MYH11: variants seen among roughly 807,000 people sequenced by gnomAD.
The protein encoded by MYH11 is myosin-11.
Under a neutral mutation model 246.6 loss-of-function variants are expected in MYH11, and 80 were observed. That is an observed-to-expected ratio of 0.32 (90% CI 0.27 to 0.39). The LOEUF is 0.39. MYH11 is among the 10% of genes least tolerant of loss of function. The pLI is 1.00. For synonymous variants in MYH11, 1,071 were observed against 1,015.5 expected (o/e 1.05, Z -1.04); for missense variants, 2,158 against 2,546.8 (o/e 0.85, Z 3.29).
rs1379873477 is a variant in MYH11, at chr16:15,838,873, AAAG to A, written c.-17-607_-17-605del. Among the ~76,000 whole-genome samples the A allele has an allele frequency of 8.3e-4, 121 of 146,216 alleles. 5 individuals are homozygous for A. Among genetic ancestry groups the A allele is most frequent in the African/African-American group, 2.8e-3 (107 of 38,858 alleles). On this transcript the variant is annotated intron_variant, in intron 1 of 40. Coordinates refer to ENST00000300036, the MANE Select transcript of MYH11 (RefSeq NM_002474.3). ...CTCCATCTCAAAAAAAAAAAAAAAA[AAAG>A]AAGAAGAAGCCGGAAGTAAGTGTAC...
intron 4 of MYH11, 136 bp downstream of exon 4, chr16:15,798,524 G>A (rs951866947): frequency 1.1e-6 from 1 of 908,452 alleles, no homozygotes; most frequent in Non-Finnish European, 1.6e-6. Context: ...CAGGTATAAA[G>A]AGAGGCACTT....
chr16:15,849,269 T>C lies in MYH11; in HGVS notation c.-18+7672A>G, dbSNP rs1051557096. ...CTGGTCTCAAACTCCTGATCTCAAATGATCCTCCTGCCTTGGCTTCCCAAA... is the reference window on the plus strand; with the variant it reads ...CTGGTCTCAAACTCCTGATCTCAAACGATCCTCCTGCCTTGGCTTCCCAAA... On this transcript the variant is annotated intron_variant, in intron 1 of 40. Coordinates refer to ENST00000300036, the MANE Select transcript of MYH11 (RefSeq NM_002474.3). Among the ~76,000 whole-genome samples, 4 of 151,942 alleles carry C rather than the reference T, an allele frequency of 2.6e-5. No homozygotes were observed. The East Asian group carries it at 5.8e-4, about 22-fold the overall frequency.
chr16:15,709,962 G>T (rs1173360320), intron 40 of MYH11, among the ~76,000 whole-genome samples: 2 of 152,184 alleles, frequency 1.3e-5, no homozygotes, highest in Admixed American at 6.5e-5. Flanking sequence ...CTGGCTGATA[G>T]AACTTGGTGA....
chr16:15,835,747 T>C (rs567016841), intron 2 of MYH11, among the ~76,000 whole-genome samples: 62 of 38,346 alleles, frequency 1.6e-3, no homozygotes, highest in African/African-American at 0.015. Context: ...GCTGGTACTA[T>C]TTTTTTTTTT....
At chr16:15,735,713 T>A in intron 25 of MYH11, 135 bp from the exon 26 acceptor site, 2 of 842,578 alleles carry the variant, frequency 2.4e-6, no homozygotes, top group Non-Finnish European at 2.0e-6. Flanking sequence ...TGTCCCCAGG[T>A]CTGCTTCTTG....
At chr16:15,792,082 CAG>C (rs1324200456) in intron 4 of MYH11, 16 of 152,138 alleles carry the variant, frequency 1.1e-4, no homozygotes, top group Admixed American at 1.0e-3. Context: ...TTTTTTGAGA[CAG>C]AGTTTTGCTT....
chr16:15,850,827 A>G (rs532665378), intron 1 of MYH11, among the ~76,000 whole-genome samples: 6 of 152,226 alleles, frequency 3.9e-5, no homozygotes, highest in African/African-American at 1.2e-4. Flanking sequence ...CCTGGGAGGT[A>G]GAGGTTGCAG....
chr16:15,723,369 G>A (rs1428053497), intron 31 of MYH11, among the ~76,000 whole-genome samples: 2 of 152,240 alleles, frequency 1.3e-5, no homozygotes, highest in East Asian at 1.9e-4. Flanking sequence ...TATGTGGGCC[G>A]GGCATAGTGG....
At chr16:15,740,535 C>T (rs562772181) in intron 22 of MYH11, among the ~76,000 whole-genome samples, 40 of 151,468 alleles carry the variant, frequency 2.6e-4, no homozygotes, top group Admixed American at 1.4e-3. Context: ...CGCTTGAACC[C>T]GAGAGGCAGA....
intron 2 of MYH11, among the ~76,000 whole-genome samples, chr16:15,832,943 C>CTTTTTTTTTTTTTTTTTT (rs780380104): frequency 1.8e-5 from 1 of 55,340 alleles, no homozygotes; most frequent in Non-Finnish European, 3.2e-5. Flanking sequence ...GCAACCTCAT[C>CTTTTTTTTTTTTTTTTTT]TTTTTTTTTT....
intron 3 of MYH11, among the ~76,000 whole-genome samples, chr16:15,803,263 T>C (rs184995682): frequency 1.7e-4 from 25 of 148,388 alleles, no homozygotes; most frequent in African/African-American, 5.8e-4. Flanking sequence ...CAGAGCAAAA[T>C]GGGAAACCAG....
rs972078880 is a variant in MYH11 at position 15,725,193 on chromosome 16, A to T, written c.3859-201T>A. ...AAACAGAATCTGTGGCTTGAAGGGA[A>T]CTCCGTCACCTATGAGTTGGGACCC... On this transcript the variant is annotated intron_variant, in intron 28 of 40. Coordinates refer to ENST00000300036, the MANE Select transcript of MYH11 (RefSeq NM_002474.3). The T allele has an allele frequency of 5.5e-5, 34 of 621,278 alleles. No homozygotes were observed. In the East Asian group the frequency reaches 7.3e-4, roughly 13 times the overall value. 38.5% of individuals were successfully genotyped at this position (621,278 alleles called of 1,614,324 possible).
intron 25 of MYH11, among the ~76,000 whole-genome samples, chr16:15,737,112 G>C (rs2041140605): frequency 6.6e-6 from 1 of 152,140 alleles, no homozygotes; most frequent in South Asian, 2.1e-4. Context: ...TGTTTGAGAT[G>C]ACGGTGGAAA....
chr16:15,736,353 A>T (rs1272299563), intron 25 of MYH11, among the ~76,000 whole-genome samples: 1 of 152,028 alleles, frequency 6.6e-6, no homozygotes, highest in Non-Finnish European at 1.5e-5. Flanking sequence ...ATCATAGCTC[A>T]CTTTAGCCTC....
chr16:15,753,862 G>A (rs994383262), intron 14 of MYH11, among the ~76,000 whole-genome samples: 4 of 151,920 alleles, frequency 2.6e-5, no homozygotes, highest in African/African-American at 7.3e-5. Flanking sequence ...CCCTCCTGCC[G>A]ACATGCAAAA....
At chr16:15,849,218 A>G (rs762679261) in intron 1 of MYH11, among the ~76,000 whole-genome samples, 1 of 151,906 alleles carries the variant, frequency 6.6e-6, no homozygotes, top group African/African-American at 2.4e-5. Flanking sequence ...TTTTGTAGAG[A>G]TGGGGGTCTT....
At chr16:15,843,147 A>G (rs1376901910) in intron 1 of MYH11, among the ~76,000 whole-genome samples, 1 of 152,062 alleles carries the variant, frequency 6.6e-6, no homozygotes, top group Non-Finnish European at 1.5e-5. Context: ...AGGTGGGCGG[A>G]CCACCTGAGG....
intron 26 of MYH11, chr16:15,733,120 T>A (rs756403205): frequency 3.9e-6 from 1 of 254,976 alleles, no homozygotes; most frequent in Non-Finnish European, 7.7e-6. Context: ...TATTTCCATT[T>A]TACAAATGAG....
chr16:15,823,339 C>A lies in MYH11; in HGVS notation c.418G>T (p.Asp140Tyr). Reference protein sequence around the residue: ...HLPIYSEKIVDMYKGKKRHEM... With the variant: ...HLPIYSEKIVYMYKGKKRHEM... ...TGCCTCTTCTTGCCCTTGTACATGT[C>A]GACGATCTTCTCCGAGTAGATGGGC... Residue 140 changes from aspartate to tyrosine, a missense_variant, in exon 3 of 41, where the codon GAC becomes TAC. Around this residue, in one of 11 missense-constraint regions of MYH11, gnomAD observed 34 missense variants for 25.6 expected, o/e 1.33. Transcript: ENST00000300036. 6.2e-7 allele frequency: 1 copy of A among 1,614,150 alleles called. No individual in the cohort carries two copies. Among genetic ancestry groups the A allele is most frequent in the Non-Finnish European group, 8.5e-7 (1 of 1,180,028 alleles).
Sources: allele counts gnomAD v4.1 joint callset (sites outside exome capture counted in the v4.1 genomes callset), GRCh38; gene constraint gnomAD v4.1.1; regional missense constraint gnomAD v4.1.1; transcripts MANE v1.5; gene names NCBI Gene and HGNC (gene_info 2026-07-23, HGNC 2026-07-21).